TMEM260: variants seen among roughly 807,000 people sequenced by gnomAD.
TMEM260 encodes transmembrane protein 260, also known as protein O-mannosyl-transferase TMEM260.
TMEM260 carries 82 observed loss-of-function variants against 88.9 expected under a neutral mutation model. The ratio of observed to expected loss-of-function variants is 0.92; its 90% CI spans 0.77 to 1.11. The LOEUF (loss-of-function observed/expected upper bound fraction) is 1.11. Among genes scored for constraint, TMEM260 ranks in the 50% least tolerant of loss-of-function variants. The probability of loss-of-function intolerance (pLI) is 0.00; values close to 1 mark genes in which losing one functional copy is unlikely to be tolerated. For synonymous variants in TMEM260, 314 were observed against 309.3 expected (o/e 1.02, Z -0.16); for missense variants, 902 against 853.4 (o/e 1.06, Z -0.71).
At chr14:56,614,018 T>A (rs1887447272) in intron 7 of TMEM260, 1 of 151,904 alleles carries the variant, frequency 6.6e-6, no homozygotes, top group African/African-American at 2.4e-5. Context: ...AAGTGATCCT[T>A]CCACCTCAGC....
At chr14:56,653,755 A>ACAAAAAAAAAAAAC (rs1890252631), downstream of TMEM260, among the ~76,000 whole-genome samples, 3 of 95,930 alleles carry the variant, frequency 3.1e-5, no homozygotes, top group African/African-American at 8.7e-5. Context: ...AAAAAAAAAA[A>ACAAAAAAAAAAAAC]CAGGACATCA....
chr14:56,589,410 T>G (rs1228645526), intron 3 of TMEM260, among the ~76,000 whole-genome samples: 2 of 152,196 alleles, frequency 1.3e-5, no homozygotes, highest in Non-Finnish European at 2.9e-5. Context: ...GTAAAGCTCT[T>G]ATTTTTTATA....
chr14:56,605,828 G>GA, intron 5 of TMEM260, 145 bp downstream of exon 5: 1 of 486,682 alleles, frequency 2.1e-6, no homozygotes, highest in Non-Finnish European at 3.5e-6. Context: ...AATATTGACT[G>GA]AAAAAAATAG....
intron 5 of TMEM260, 119 bp from the exon 6 acceptor site, chr14:56,608,987 A>G: frequency 9.6e-7 from 1 of 1,037,268 alleles, no homozygotes; most frequent in Non-Finnish European, 1.4e-6. Flanking sequence ...GACTTAATAT[A>G]AATTGGGAGA....
At position 56,636,599 on chromosome 14, in the gene TMEM260, G is replaced by T. The variant is rs141599092; in HGVS notation, c.1869+1G>T. 3.1e-6 allele frequency: 5 copies of T among 1,612,696 alleles called. No homozygotes were observed. The highest frequency in any genetic ancestry group is 3.4e-6 in the Non-Finnish European group (4 of 1,178,968). On this transcript the variant is annotated splice_donor_variant, in intron 15 of 15. Transcript: ENST00000261556. LOFTEE classifies it high-confidence loss of function. ...TCAACTCTACGCTCAAGCATATGAC[G>T]TATGTTACACTTTTATATGTAGATA...
At chr14:56,659,704 C>T in the TMEM260 span, among the ~76,000 whole-genome samples, 2 of 152,202 alleles carry the variant, frequency 1.3e-5, no homozygotes, top group African/African-American at 2.4e-5. Context: ...GCAGCCACTA[C>T]GGAGAAGAGG....
chr14:56,633,396 G>T (rs1414875653), intron 13 of TMEM260: 1 of 383,906 alleles, frequency 2.6e-6, no homozygotes, highest in Non-Finnish European at 4.7e-6. Context: ...TGCTGGTTGT[G>T]TGGATACCAT....
chr14:56,604,691 A>G (rs942533525), intron 4 of TMEM260, among the ~76,000 whole-genome samples: 3 of 152,198 alleles, frequency 2.0e-5, no homozygotes, highest in Non-Finnish European at 4.4e-5. Flanking sequence ...AAATTATTCA[A>G]TACACTTTTT....
Position 56,633,092 on chromosome 14 carries a change from C to T in TMEM260, c.1645C>T (p.Pro549Ser), listed in dbSNP as rs544576056. Reference protein sequence around the residue: ...WPWGSCDKLVPLEIVFNPEEW... With the variant: ...WPWGSCDKLVSLEIVFNPEEW... ...ATGGGGGTCTTGTGACAAATTAGTT[C>T]CTTTGGAGATTGTATTCAACCCTGA... The change falls in exon 13 of 16, where the codon CCT becomes TCT. Residue 549 changes from proline to serine, a missense_variant. Transcript: ENST00000261556. 8.8e-5 allele frequency: 142 copies of T among 1,613,774 alleles called. No individual in the cohort carries two copies. The East Asian group carries it at 3.1e-3, about 35-fold the overall frequency.
chr14:56,605,504 T>C, intron 4 of TMEM260, 66 bp from the exon 5 acceptor site: 3 of 886,388 alleles, frequency 3.4e-6, no homozygotes, highest in Admixed American at 2.6e-5. Context: ...AAAAATGGCT[T>C]TTTATTATGT....
At position 56,636,574 on chromosome 14, in the gene TMEM260, T is replaced by C. The variant is rs949746647; in HGVS notation, c.1845T>C (p.Ala615=). 6.2e-7 allele frequency: 1 copy of C among 1,613,868 alleles called. No individual in the cohort carries two copies. The highest frequency in any genetic ancestry group is 8.5e-7 in the Non-Finnish European group (1 of 1,179,952). Residue 615 remains alanine (A), a synonymous_variant, in exon 15 of 16, where the codon GCT becomes GCC. Transcript: ENST00000261556. ...CTCACATGCCTTCAAAAGTGAAAGC[T>C]CAACTCTACGCTCAAGCATATGACG... ...ETAHMPSKVK[A]QLYAQAYDLY...
intron 12 of TMEM260, among the ~76,000 whole-genome samples, chr14:56,627,657 T>C (rs978787918): frequency 2.0e-4 from 30 of 150,910 alleles, no homozygotes; most frequent in Admixed American, 1.1e-3. Context: ...AGAGATATTT[T>C]TCCCCCCCAA....
chr14:56,598,579 C>T (rs975133023), intron 3 of TMEM260, among the ~76,000 whole-genome samples: 1 of 152,156 alleles, frequency 6.6e-6, no homozygotes, highest in Non-Finnish European at 1.5e-5. Context: ...ATGAAGCATG[C>T]TCAGATAATG....
chr14:56,597,513 C>T (rs969049992), intron 3 of TMEM260, among the ~76,000 whole-genome samples: 5 of 152,012 alleles, frequency 3.3e-5, no homozygotes, highest in African/African-American at 9.7e-5. Flanking sequence ...TGATGTGTTA[C>T]GTTAAAAGAC....
rs960498570 is a variant in TMEM260 at position 56,607,701 on chromosome 14, C to CGT, written c.637-1394_637-1393dup. Among the ~76,000 whole-genome samples, 9 of 151,632 alleles carry CGT rather than the reference C, an allele frequency of 5.9e-5. No homozygotes were observed. The East Asian group carries it at 7.9e-4, about 13-fold the overall frequency. On this transcript the variant is annotated intron_variant, in intron 5 of 15. Transcript: ENST00000261556. Reference sequence around the variant, plus strand: ...CTGTATGTACATATATACATAGGGACGTGTGTGTGTGTATATATATATGTA... The same window carrying CGT: ...CTGTATGTACATATATACATAGGGACGTGTGTGTGTGTGTATATATATATGTA...
At chr14:56,637,989 G>A (rs1030322208) in intron 15 of TMEM260, among the ~76,000 whole-genome samples, 1 of 151,354 alleles carries the variant, frequency 6.6e-6, no homozygotes, top group Non-Finnish European at 1.5e-5. Context: ...AGAGCAAGCT[G>A]GGAAGTAGGC....
chr14:56,617,695 G>T lies in TMEM260; in HGVS notation c.1056+398G>T, dbSNP rs78834103. 3.0e-4 allele frequency among the ~76,000 whole-genome samples: 46 copies of T among 152,126 alleles called. 1 individual carries two copies. In the East Asian group the frequency reaches 8.7e-3, roughly 29 times the overall value. On this transcript the variant is annotated intron_variant, in intron 9 of 15. Transcript: ENST00000261556. ...CCCAGGCCTAGGCAAAAGAGCAACC[G>T]TATTTCTGTTTTCTTTGGCAGCAGT...
At chr14:56,612,419 AGTT>A (rs1395816856) in intron 7 of TMEM260, 134 bp downstream of exon 7, 2 of 757,410 alleles carry the variant, frequency 2.6e-6, no homozygotes, top group Admixed American at 4.7e-5. Context: ...TACAGTTAAC[AGTT>A]GTTTGTGTTT....
At chr14:56,641,871 G>C (rs531118699) in intron 15 of TMEM260, among the ~76,000 whole-genome samples, 2 of 151,018 alleles carry the variant, frequency 1.3e-5, no homozygotes, top group Non-Finnish European at 2.9e-5. Flanking sequence ...CCTAGTCTCT[G>C]ATAAAACAGA....
Sources: allele counts gnomAD v4.1 joint callset (sites outside exome capture counted in the v4.1 genomes callset), GRCh38; gene constraint gnomAD v4.1.1; transcripts MANE v1.5; gene names NCBI Gene and HGNC (gene_info 2026-07-23, HGNC 2026-07-21).